The following KAT6B variants were observed in gnomAD, a reference collection of about 807,000 sequenced individuals.
KAT6B encodes histone acetyltransferase KAT6B.
A neutral mutation model predicts 187.5 loss-of-function variants in KAT6B; 10 were observed. The ratio of observed to expected loss-of-function variants is 0.05; its 90% confidence interval spans 0.03 to 0.09. The LOEUF is 0.09. Ranked by LOEUF, KAT6B falls within the 10% of genes least tolerant of loss-of-function variation. The pLI, the probability that KAT6B is intolerant of heterozygous loss-of-function variation, is 1.00. For missense variants in KAT6B, 1,952 were observed against 2,558.9 expected (o/e 0.76, Z 5.12); for synonymous variants, 861 against 926.8 (o/e 0.93, Z 1.29).
At chr10:74,828,659 C>G (rs1046245612) in intron 1 of KAT6B, among the ~76,000 whole-genome samples, 44 of 151,018 alleles carry the variant, frequency 2.9e-4, no homozygotes, top group Non-Finnish European at 5.8e-4. Flanking sequence ...GCTCCGCCTC[C>G]CGGGTTCACG....
intron 3 of KAT6B, among the ~76,000 whole-genome samples, chr10:74,954,749 G>A (rs1293635913): frequency 6.6e-6 from 1 of 152,052 alleles, no homozygotes; most frequent in East Asian, 1.9e-4. Flanking sequence ...TGGCTGATAC[G>A]CCCTTTAAAT....
intron 13 of KAT6B, among the ~76,000 whole-genome samples, chr10:74,993,094 T>C (rs1026735810): frequency 6.6e-6 from 1 of 152,126 alleles, no homozygotes; most frequent in Non-Finnish European, 1.5e-5. Flanking sequence ...AGAACTCCCT[T>C]GCCCACAAAA....
chr10:74,896,104 A>G (rs1411412925), intron 3 of KAT6B, among the ~76,000 whole-genome samples: 3 of 151,876 alleles, frequency 2.0e-5, no homozygotes, highest in Non-Finnish European at 2.9e-5. Context: ...TTTCTCTCCT[A>G]TAGCCTCTTA....
Position 74,843,211 on chromosome 10 carries a change from T to TGAG in KAT6B, c.358_360dup (p.Glu120dup). On this transcript the variant is annotated inframe_insertion, in exon 3 of 18. Coordinates refer to ENST00000287239, the MANE Select transcript of KAT6B (RefSeq NM_012330.4). ...TTTTAAGGAGAGCAATTGAAGGACT[T>TGAG]GAGGAGCCGAATGGCTCCTCCCTGA... 1 of 1,614,214 alleles carries TGAG rather than the reference T, an allele frequency of 6.2e-7. No homozygotes were observed. Among genetic ancestry groups the TGAG allele is most frequent in the Non-Finnish European group, 8.5e-7 (1 of 1,180,018 alleles).
intron 13 of KAT6B, among the ~76,000 whole-genome samples, chr10:75,006,183 C>T (rs1844192461): frequency 6.6e-6 from 1 of 151,996 alleles, no homozygotes; most frequent in Non-Finnish European, 1.5e-5. Context: ...CAAAAAGACT[C>T]AGGAGTCAAT....
chr10:74,968,740 C>T (rs1841650682), intron 4 of KAT6B, among the ~76,000 whole-genome samples: 2 of 152,110 alleles, frequency 1.3e-5, no homozygotes, highest in South Asian at 2.1e-4. Flanking sequence ...GAGATCTCTT[C>T]GGGTTTATGT....
In KAT6B at chr10:75,029,343, C is replaced by T; in HGVS notation, c.4519C>T (p.Pro1507Ser). The T allele has an allele frequency of 1.9e-6, 3 of 1,614,040 alleles. No individual in the cohort carries two copies. Among genetic ancestry groups the T allele is most frequent in the Non-Finnish European group, 8.5e-7 (1 of 1,180,020 alleles). ...TGTACCCGAATCTGACGAGGAGCCA[C>T]CCCCAGGAGAACAGGCACAGAAGCA... ...EAVPESDEEP[P>S]PGEQAQKQDQ... The change falls in exon 18 of 18, where the codon CCC (proline) becomes TCC (serine). Residue 1507 changes from proline to serine, a missense_variant. By Grantham distance (74) the Pro-to-Ser change is moderately conservative (BLOSUM62 -1). Coordinates refer to ENST00000287239, the MANE Select transcript of KAT6B (RefSeq NM_012330.4). This position sits in a 1 kb window ranked among gnomAD's most constrained non-coding sequence, Gnocchi z 6.2.
chr10:75,002,808 G>A (rs1298463364), intron 13 of KAT6B, among the ~76,000 whole-genome samples: 1 of 152,214 alleles, frequency 6.6e-6, no homozygotes, highest in African/African-American at 2.4e-5. Context: ...GTGCATGACT[G>A]TATTTATTGT....
At chr10:74,998,476 C>T (rs1436573957) in intron 13 of KAT6B, among the ~76,000 whole-genome samples, 2 of 151,966 alleles carry the variant, frequency 1.3e-5, no homozygotes, top group East Asian at 3.9e-4. Context: ...GAAAATGTCA[C>T]CCAGAGAGTT....
chr10:75,012,134 G>C lies in KAT6B; in HGVS notation c.2630-8448G>C, dbSNP rs140270296. On this transcript the variant is annotated intron_variant, in intron 13 of 17. Transcript: ENST00000287239. ...GTGCAGGCAGGGTCGAGAACCACTG[G>C]GCTATACTTGAAGACAGAAGAAGGA... Among the ~76,000 whole-genome samples the C allele has an allele frequency of 1.2e-3, 187 of 152,220 alleles. 1 individual carries two copies. Among genetic ancestry groups the C allele is most frequent in the African/African-American group, 4.2e-3 (175 of 41,524 alleles).
chr10:74,890,286 G>A (rs1845558361), intron 3 of KAT6B, among the ~76,000 whole-genome samples: 3 of 151,950 alleles, frequency 2.0e-5, no homozygotes, highest in Non-Finnish European at 2.9e-5. Flanking sequence ...ATCTGGCCTG[G>A]ACATGTAATT....
chr10:75,002,345 T>C (rs1162255325), intron 13 of KAT6B, among the ~76,000 whole-genome samples: 1 of 151,134 alleles, frequency 6.6e-6, no homozygotes, highest in African/African-American at 2.4e-5. Context: ...TTATTTAGTT[T>C]TCTCTCTCTC....
At chr10:74,851,830 C>T (rs974618605) in intron 3 of KAT6B, among the ~76,000 whole-genome samples, 2 of 152,118 alleles carry the variant, frequency 1.3e-5, no homozygotes, top group Non-Finnish European at 2.9e-5. Context: ...AATGTACATC[C>T]TACAGCAGTT....
intron 7 of KAT6B, among the ~76,000 whole-genome samples, chr10:74,974,424 AT>A (rs1483498467): frequency 1.3e-5 from 2 of 152,300 alleles, no homozygotes; most frequent in East Asian, 3.9e-4. Flanking sequence ...TAAATTGATC[AT>A]TTTGAAAGTA....
chr10:74,957,583 T>C (rs925148524), intron 3 of KAT6B, among the ~76,000 whole-genome samples: 1 of 152,230 alleles, frequency 6.6e-6, no homozygotes, highest in Non-Finnish European at 1.5e-5. Context: ...AAAATGGGTT[T>C]GGAGATTTGG....
At chr10:74,970,727 T>G (rs1841792159) in intron 6 of KAT6B, among the ~76,000 whole-genome samples, 1 of 152,216 alleles carries the variant, frequency 6.6e-6, no homozygotes, top group African/African-American at 2.4e-5. Flanking sequence ...GTGGAAGATT[T>G]AAAAAGTACA....
Position 75,029,242 on chromosome 10 carries a change from T to A in KAT6B, c.4418T>A (p.Val1473Asp). The change falls in exon 18 of 18, where the codon GTC becomes GAC. Residue 1473 changes from valine to aspartate, a missense_variant. By Grantham distance (152) the Val-to-Asp change is radical (BLOSUM62 -3). Coordinates refer to ENST00000287239, the MANE Select transcript of KAT6B (RefSeq NM_012330.4). The surrounding 1 kb of genome is among the most constrained non-coding windows in gnomAD (Gnocchi z 6.2). ...CAGCCTGGTCACTCGAACCCAGAGGTCTTAATGGACTGTGGCGTCGACCTG... is the reference window on the plus strand; with the variant it reads ...CAGCCTGGTCACTCGAACCCAGAGGACTTAATGGACTGTGGCGTCGACCTG... ...NVQPGHSNPE[V>D]LMDCGVDLTA... 6.2e-7 allele frequency: 1 copy of A among 1,613,846 alleles called. No individual in the cohort carries two copies. Among genetic ancestry groups the A allele is most frequent in the Non-Finnish European group, 8.5e-7 (1 of 1,179,962 alleles).
chr10:74,969,443 C>T (rs1161115256), intron 4 of KAT6B, among the ~76,000 whole-genome samples: 2 of 152,128 alleles, frequency 1.3e-5, no homozygotes, highest in African/African-American at 2.4e-5. Context: ...TTAGGGAAAA[C>T]ATTCGTACAG....
In KAT6B at chr10:75,019,043, G is replaced by C. The variant is rs921240288; in HGVS notation, c.2630-1539G>C. The stretch of plus-strand genomic sequence containing the variant: ...ACAGAGACGTAGAGAGCTCTTCTTC[G>C]TGTTGACAGGACACAATATGGGCTG... On this transcript the variant is annotated intron_variant, in intron 13 of 17. Transcript: ENST00000287239. Among the ~76,000 whole-genome samples the C allele has an allele frequency of 3.3e-5, 5 of 152,130 alleles. No individual in the cohort carries two copies. In the East Asian group the frequency reaches 9.6e-4, roughly 29 times the overall value.
Sources: gnomAD v4.1 joint callset for allele counts (sites outside exome capture counted in the v4.1 genomes callset) on GRCh38, gnomAD v4.1.1 for gene constraint, Gnocchi (gnomAD v3.1) non-coding constraint, MANE v1.5 for transcripts, NCBI Gene and HGNC (gene_info 2026-07-23, HGNC 2026-07-21) for gene names.